OR1F1: variants seen among roughly 807,000 people sequenced by gnomAD.
The protein encoded by OR1F1 is olfactory receptor 1F1.
For missense variants in OR1F1, 493 were observed against 376.3 expected (o/e 1.31, Z -2.57); for synonymous variants, 184 against 156.7 (o/e 1.17, Z -1.30).
upstream of OR1F1, among the ~76,000 whole-genome samples, chr16:3,201,389 C>T (rs1483443840): frequency 6.6e-6 from 1 of 152,190 alleles, no homozygotes; most frequent in African/African-American, 2.4e-5. Flanking sequence ...CCTGGGGGAA[C>T]AACCCAACTG....
chr16:3,205,202 G>T, downstream of OR1F1: 1 of 1,557,922 alleles, frequency 6.4e-7, no homozygotes, highest in Non-Finnish European at 8.8e-7. Flanking sequence ...AATCAAGACT[G>T]AATCTCATTC....
exon 1 of OR1F1, chr16:3,204,612 C>G: frequency 6.2e-7 from 1 of 1,614,146 alleles, no homozygotes; most frequent in Non-Finnish European, 8.5e-7. Context: ...CCTATGACCA[C>G]TTTGTCGCCG....
exon 1 of OR1F1, chr16:3,204,741 A>G (rs750062107): frequency 2.2e-5 from 36 of 1,613,344 alleles, no homozygotes; most frequent in Non-Finnish European, 3.0e-5. Context: ...TGATGGCTCC[A>G]CTCTCATTCT....
chr16:3,196,039 C>G, the OR1F1 span, among the ~76,000 whole-genome samples: 1 of 152,248 alleles, frequency 6.6e-6, no homozygotes, highest in African/African-American at 2.4e-5. Flanking sequence ...TGGACTTTCT[C>G]TTCTCCTGGG....
chr16:3,188,989 G>A, the OR1F1 span, among the ~76,000 whole-genome samples: 3 of 152,194 alleles, frequency 2.0e-5, no homozygotes, highest in African/African-American at 4.8e-5. Flanking sequence ...AGCCATCCTG[G>A]GCACTTGAGG....
chr16:3,206,328 C>A (rs929250364), downstream of OR1F1, among the ~76,000 whole-genome samples: 1 of 152,088 alleles, frequency 6.6e-6, no homozygotes, highest in African/African-American at 2.4e-5. Context: ...GAACATAGAC[C>A]CTTATCTGGA....
the OR1F1 span, among the ~76,000 whole-genome samples, chr16:3,196,595 C>T: frequency 2.6e-5 from 4 of 152,046 alleles, no homozygotes; most frequent in African/African-American, 9.6e-5. Context: ...CTATTGTTGC[C>T]CAGGCTGGTC....
At chr16:3,204,457 A>C (rs1375471317) in exon 1 of OR1F1, 1 of 1,613,988 alleles carries the variant, frequency 6.2e-7, no homozygotes, top group Non-Finnish European at 8.5e-7. Flanking sequence ...TTTTGTGGAC[A>C]TCTGCTTCTC....
the OR1F1 span, among the ~76,000 whole-genome samples, chr16:3,193,105 T>C: frequency 1.3e-5 from 2 of 152,076 alleles, no homozygotes; most frequent in African/African-American, 4.8e-5. Context: ...TTTTGTATTT[T>C]TAGTAGAGAC....
upstream of OR1F1, among the ~76,000 whole-genome samples, chr16:3,199,792 G>A (rs1438012436): frequency 6.6e-6 from 1 of 152,126 alleles, no homozygotes; most frequent in East Asian, 1.9e-4. Context: ...AAGGCGGGCG[G>A]ATCGCCTGAG....
chr16:3,204,096 C>A (rs1414355801), upstream of OR1F1: 1 of 631,100 alleles, frequency 1.6e-6, no homozygotes, highest in East Asian at 2.7e-5. Context: ...CTGAACATAG[C>A]AGTAGCAGCC....
downstream of OR1F1, chr16:3,205,308 T>C (rs1242819389): frequency 1.4e-6 from 1 of 694,904 alleles, no homozygotes; most frequent in Non-Finnish European, 2.4e-6. Context: ...TTATACTAAG[T>C]TAAACTATTA....
the OR1F1 span, among the ~76,000 whole-genome samples, chr16:3,188,681 C>T: frequency 6.6e-6 from 1 of 152,042 alleles, no homozygotes; most frequent in Non-Finnish European, 1.5e-5. Context: ...CCACTGAGAG[C>T]GAGGGAATTC....
chr16:3,198,150 A>C, the OR1F1 span, among the ~76,000 whole-genome samples: 4 of 150,014 alleles, frequency 2.7e-5, no homozygotes, highest in Non-Finnish European at 6.0e-5. Flanking sequence ...AGAGAGAGGG[A>C]GAGAGAGGGA....
chr16:3,202,270 A>T (rs529720841), upstream of OR1F1, among the ~76,000 whole-genome samples: 1 of 152,344 alleles, frequency 6.6e-6, no homozygotes, highest in South Asian at 2.1e-4. Flanking sequence ...GGTAATCTGC[A>T]GAATGAAGCT....
At chr16:3,196,995 G>A in the OR1F1 span, among the ~76,000 whole-genome samples, 1 of 152,138 alleles carries the variant, frequency 6.6e-6, no homozygotes, top group Non-Finnish European at 1.5e-5. Context: ...TCCTGCCTCA[G>A]TCCCCCAAGT....
chr16:3,201,043 T>C (rs180865762), upstream of OR1F1, among the ~76,000 whole-genome samples: 26 of 152,160 alleles, frequency 1.7e-4, no homozygotes, highest in Admixed American at 1.3e-3. Flanking sequence ...TTGCCTACTC[T>C]AGACATTTCA....
the OR1F1 span, among the ~76,000 whole-genome samples, chr16:3,192,552 C>T: frequency 1.3e-5 from 2 of 152,242 alleles, no homozygotes; most frequent in Non-Finnish European, 2.9e-5. Flanking sequence ...GTATCTTGAG[C>T]AGCTCCAACA....
upstream of OR1F1, among the ~76,000 whole-genome samples, chr16:3,199,843 C>G (rs572984107): frequency 6.6e-6 from 1 of 151,994 alleles, no homozygotes; most frequent in South Asian, 2.1e-4. Context: ...TGGAGAAACC[C>G]CGTCTCTACT....
Sources: allele counts gnomAD v4.1 joint callset (sites outside exome capture counted in the v4.1 genomes callset), GRCh38; gene constraint gnomAD v4.1.1; transcripts MANE v1.5; gene names NCBI Gene and HGNC (gene_info 2026-07-23, HGNC 2026-07-21).